The following TRIM55 variants were observed in gnomAD, a reference collection of about 807,000 sequenced individuals.
TRIM55 encodes tripartite motif-containing protein 55.
In TRIM55, 50 loss-of-function variants were observed where a neutral mutation model predicts 60.9. The observed-to-expected ratio is 0.82, with a 90% CI of 0.65 to 1.04. The LOEUF (loss-of-function observed/expected upper bound fraction) is 1.04. TRIM55 is among the 50% of genes least tolerant of loss of function. The pLI is 0.00. For missense variants in TRIM55, 681 were observed against 666.9 expected, an observed-to-expected ratio of 1.02 and a Z score of -0.23; for synonymous variants, 237 against 238.1, an observed-to-expected ratio of 1.00 and a Z score of 0.04.
At chr8:66,150,685 T>C (rs77467491) in intron 7 of TRIM55, among the ~76,000 whole-genome samples, 4 of 152,244 alleles carry the variant, frequency 2.6e-5, no homozygotes, top group African/African-American at 9.6e-5. Context: ...TTTTTTTTTT[T>C]TGATGGACTC....
chr8:66,131,157 G>A (rs752975499), intron 2 of TRIM55, among the ~76,000 whole-genome samples: 15 of 152,122 alleles, frequency 9.9e-5, no homozygotes, highest in Non-Finnish European at 1.6e-4. Context: ...CATGAATCAT[G>A]TGCAATTCTT....
intron 4 of TRIM55, among the ~76,000 whole-genome samples, chr8:66,137,650 A>G (rs995875971): frequency 6.6e-6 from 1 of 151,602 alleles, no homozygotes; most frequent in East Asian, 2.0e-4. Context: ...GCCTAGCTGT[A>G]GTTAGAGAAT....
intron 2 of TRIM55, 101 bp from the exon 3 acceptor site, chr8:66,134,889 G>T: frequency 7.8e-7 from 1 of 1,274,740 alleles, no homozygotes; most frequent in South Asian, 1.4e-5. Context: ...TGGGCATACA[G>T]GGAAGAGAAG....
the TRIM55 span, among the ~76,000 whole-genome samples, chr8:66,116,900 A>C: frequency 6.6e-6 from 1 of 152,254 alleles, no homozygotes; most frequent in Admixed American, 6.5e-5. Flanking sequence ...AGATGCAAAA[A>C]TTCTCAACAA....
At chr8:66,159,225 A>C (rs139708949) in intron 9 of TRIM55, among the ~76,000 whole-genome samples, 10 of 152,146 alleles carry the variant, frequency 6.6e-5, no homozygotes, top group African/African-American at 2.2e-4. Flanking sequence ...GCAACCACTG[A>C]TGTGTTTGAT....
At chr8:66,119,315 AC>A in the TRIM55 span, among the ~76,000 whole-genome samples, 1 of 152,194 alleles carries the variant, frequency 6.6e-6, no homozygotes, top group African/African-American at 2.4e-5. Flanking sequence ...TTTCATCAGG[AC>A]TGCACTCTCT....
intron 9 of TRIM55, among the ~76,000 whole-genome samples, chr8:66,163,357 G>A (rs1811152566): frequency 6.6e-6 from 1 of 152,154 alleles, no homozygotes; most frequent in South Asian, 2.1e-4. Flanking sequence ...TAGGGTTAAA[G>A]CTCTGATTAT....
intron 1 of TRIM55, among the ~76,000 whole-genome samples, chr8:66,128,076 G>A (rs571353581): frequency 1.4e-4 from 21 of 152,290 alleles, no homozygotes; most frequent in Admixed American, 1.2e-3. Flanking sequence ...TCTGAAAGTG[G>A]TGGACGGAAA....
At chr8:66,148,886 T>C (rs1326394179) in intron 4 of TRIM55, among the ~76,000 whole-genome samples, 1 of 152,060 alleles carries the variant, frequency 6.6e-6, no homozygotes, top group East Asian at 1.9e-4. Flanking sequence ...CCATCTCTAC[T>C]AAAAATTCAA....
At chr8:66,152,031 T>A (rs1018018497) in intron 7 of TRIM55, among the ~76,000 whole-genome samples, 16 of 152,078 alleles carry the variant, frequency 1.1e-4, no homozygotes, top group Non-Finnish European at 1.5e-5. Context: ...CTGACAGAGA[T>A]AAATAAGTGA....
At chr8:66,122,613 A>T (rs1251004949), upstream of TRIM55, among the ~76,000 whole-genome samples, 1 of 152,196 alleles carries the variant, frequency 6.6e-6, no homozygotes, top group Admixed American at 6.5e-5. Flanking sequence ...TAAACCAAAA[A>T]TATGATTCTA....
intron 4 of TRIM55, among the ~76,000 whole-genome samples, chr8:66,149,238 A>C (rs1341918458): frequency 6.6e-6 from 1 of 152,208 alleles, no homozygotes; most frequent in Non-Finnish European, 1.5e-5. Context: ...AGAGACTTTA[A>C]GGTACAAACC....
At chr8:66,146,373 A>G (rs1440331875) in intron 4 of TRIM55, among the ~76,000 whole-genome samples, 1 of 152,222 alleles carries the variant, frequency 6.6e-6, no homozygotes, top group African/African-American at 2.4e-5. Context: ...CTGCCAAAAA[A>G]AATTATATGG....
intron 2 of TRIM55, 71 bp downstream of exon 2, chr8:66,128,547 T>C: frequency 6.7e-7 from 1 of 1,491,136 alleles, no homozygotes; most frequent in Non-Finnish European, 9.1e-7. Flanking sequence ...TTTTAATGGG[T>C]TGCTACGCTG....
At chr8:66,144,686 G>C (rs904723001) in intron 4 of TRIM55, among the ~76,000 whole-genome samples, 2 of 152,228 alleles carry the variant, frequency 1.3e-5, no homozygotes, top group Non-Finnish European at 2.9e-5. Flanking sequence ...GTCCAGAGAA[G>C]AGGGGAGGTG....
chr8:66,160,235 A>G (rs906439208), intron 9 of TRIM55, among the ~76,000 whole-genome samples: 3 of 152,180 alleles, frequency 2.0e-5, no homozygotes, highest in African/African-American at 7.2e-5. Flanking sequence ...ATAAGTGAGA[A>G]CATACAATGT....
intron 9 of TRIM55, among the ~76,000 whole-genome samples, chr8:66,165,824 T>C (rs1811298334): frequency 6.6e-6 from 1 of 152,166 alleles, no homozygotes; most frequent in African/African-American, 2.4e-5. Context: ...CAGACATTCT[T>C]ACCTAGGAAA....
chr8:66,172,702 C>T (rs905172073), intron 9 of TRIM55, among the ~76,000 whole-genome samples: 1 of 152,312 alleles, frequency 6.6e-6, no homozygotes, highest in East Asian at 1.9e-4. Context: ...CTGCCTTCTG[C>T]AGAAAACACA....
rs1808985495 is a variant in TRIM55 at position 66,128,938 on chromosome 8, ATTGT to A, written c.341+466_341+469del. On this transcript the variant is annotated intron_variant, in intron 2 of 9. Transcript: ENST00000315962. ...CTAGTTCAGACAGTCTTGCCTTAAA[ATTGT>A]TTGGATGATAATAAAAACAAAATCC... Among the ~76,000 whole-genome samples the A allele has an allele frequency of 3.9e-5, 6 of 152,216 alleles. No individual in the cohort carries two copies. In the South Asian group the frequency reaches 1.2e-3, roughly 32 times the overall value.
Sources: allele counts gnomAD v4.1 joint callset (sites outside exome capture counted in the v4.1 genomes callset), GRCh38; gene constraint gnomAD v4.1.1; transcripts MANE v1.5; gene names NCBI Gene and HGNC (gene_info 2026-07-23, HGNC 2026-07-21).